The following PDE12 variants were observed in gnomAD, a reference collection of about 807,000 sequenced individuals.
The protein encoded by PDE12 is 2',5'-phosphodiesterase 12.
PDE12 carries 26 observed loss-of-function variants against 45.4 expected under a neutral mutation model. The ratio of observed to expected loss-of-function variants is 0.57; its 90% CI spans 0.42 to 0.79. The LOEUF is 0.79. Ranked by LOEUF, PDE12 falls within the 30% of genes least tolerant of loss-of-function variation. PDE12 has a pLI of 0.00. For missense variants in PDE12, 668 were observed against 790.0 expected (o/e 0.85, Z 1.85); for synonymous variants, 283 against 323.9 (o/e 0.87, Z 1.36).
chr3:57,632,529 T>C, the PDE12 span, among the ~76,000 whole-genome samples: 3 of 152,152 alleles, frequency 2.0e-5, no homozygotes, highest in African/African-American at 7.2e-5. Context: ...AACAAATAGA[T>C]TTAATGGAAT....
chr3:57,644,807 A>T, the PDE12 span, among the ~76,000 whole-genome samples: 1 of 6,424 alleles, frequency 1.6e-4, no homozygotes, highest in Non-Finnish European at 2.4e-4. Context: ...AGGGGTGGGG[A>T]GGGGAGGGGA....
At chr3:57,647,864 G>A in the PDE12 span, among the ~76,000 whole-genome samples, 1 of 151,152 alleles carries the variant, frequency 6.6e-6, no homozygotes, top group Non-Finnish European at 1.5e-5. Context: ...GGTGGGGGTG[G>A]GGGGTCAATC....
the PDE12 span, among the ~76,000 whole-genome samples, chr3:57,595,377 A>G: frequency 6.6e-6 from 1 of 152,208 alleles, no homozygotes. Context: ...AAGTCCTCCC[A>G]TTAACTTCCG....
the PDE12 span, among the ~76,000 whole-genome samples, chr3:57,588,786 G>A: frequency 7.0e-6 from 1 of 142,440 alleles, no homozygotes; most frequent in Non-Finnish European, 1.5e-5. Context: ...GCAAAACCCT[G>A]TCACTACAAA....
the PDE12 span, chr3:57,597,428 C>A: frequency 1.2e-4 from 33 of 284,896 alleles, 1 homozygote; most frequent in Non-Finnish European, 2.1e-4. Flanking sequence ...AGCGGCCCGG[C>A]CCCTCCAACG....
chr3:57,594,970 GTTT>G, the PDE12 span, among the ~76,000 whole-genome samples: 6 of 152,164 alleles, frequency 3.9e-5, no homozygotes, highest in Non-Finnish European at 8.8e-5. Context: ...TGACTGAAGT[GTTT>G]TTTAGTCAAG....
chr3:57,582,834 G>A, the PDE12 span, among the ~76,000 whole-genome samples: 1 of 152,178 alleles, frequency 6.6e-6, no homozygotes, highest in Non-Finnish European at 1.5e-5. Context: ...GTTAAACAAA[G>A]GTAGAGTGAG....
chr3:57,622,046 G>A, the PDE12 span, among the ~76,000 whole-genome samples: 1 of 152,056 alleles, frequency 6.6e-6, no homozygotes, highest in Non-Finnish European at 1.5e-5. Context: ...CATGCTGGCG[G>A]GTGTCTGTAA....
the PDE12 span, among the ~76,000 whole-genome samples, chr3:57,633,776 G>A: frequency 6.6e-6 from 1 of 152,014 alleles, no homozygotes; most frequent in South Asian, 2.1e-4. Flanking sequence ...TGTAATCCCA[G>A]CTACTTGGAA....
the PDE12 span, among the ~76,000 whole-genome samples, chr3:57,637,857 C>CG: frequency 7.3e-5 from 11 of 151,314 alleles, no homozygotes; most frequent in East Asian, 2.1e-3. Context: ...GTGCACAGGC[C>CG]GGGCACAGTG....
the PDE12 span, chr3:57,633,319 A>G: frequency 6.2e-7 from 1 of 1,613,912 alleles, no homozygotes; most frequent in South Asian, 1.1e-5. Context: ...GAAGAATAAC[A>G]CTTTGAGCCT....
chr3:57,616,159 C>CA, the PDE12 span, among the ~76,000 whole-genome samples: 2 of 151,928 alleles, frequency 1.3e-5, no homozygotes, highest in African/African-American at 4.8e-5. Flanking sequence ...CTCATCTCTA[C>CA]AAAAAATGCA....
At chr3:57,628,836 A>G in the PDE12 span, 2 of 1,612,372 alleles carry the variant, frequency 1.2e-6, no homozygotes, top group Non-Finnish European at 1.7e-6. Flanking sequence ...CTTCAAGACA[A>G]GGTCTACTGT....
At chr3:57,580,790 A>AT in the PDE12 span, among the ~76,000 whole-genome samples, 3 of 126,188 alleles carry the variant, frequency 2.4e-5, no homozygotes, top group Non-Finnish European at 5.2e-5. Context: ...TTTTTTTTTT[A>AT]AATGTAAAGA....
the PDE12 span, chr3:57,600,701 C>A: frequency 6.6e-6 from 1 of 152,098 alleles, no homozygotes; most frequent in Non-Finnish European, 1.5e-5. Context: ...AGCCACCGTG[C>A]CCAGACCCCA....
At chr3:57,587,906 T>C in the PDE12 span, among the ~76,000 whole-genome samples, 3 of 152,168 alleles carry the variant, frequency 2.0e-5, no homozygotes, top group African/African-American at 7.2e-5. Flanking sequence ...TAAATGCAAA[T>C]TAAGAGTTTT....
chr3:57,643,694 G>A, the PDE12 span, among the ~76,000 whole-genome samples: 1 of 151,872 alleles, frequency 6.6e-6, no homozygotes, highest in African/African-American at 2.4e-5. Context: ...GGGTGTGGTG[G>A]TGCATGCCTG....
chr3:57,584,620 G>A, the PDE12 span, among the ~76,000 whole-genome samples: 4 of 152,026 alleles, frequency 2.6e-5, no homozygotes, highest in East Asian at 7.7e-4. Context: ...ATTCCCAAAG[G>A]CAACACTTCC....
the PDE12 span, among the ~76,000 whole-genome samples, chr3:57,608,009 G>T: frequency 6.6e-6 from 1 of 152,158 alleles, no homozygotes; most frequent in Non-Finnish European, 1.5e-5. Flanking sequence ...TACTCACAAA[G>T]GGAAGCCCAT....
Sources: gnomAD v4.1 joint callset for allele counts (sites outside exome capture counted in the v4.1 genomes callset) on GRCh38, gnomAD v4.1.1 for gene constraint, MANE v1.5 for transcripts, NCBI Gene and HGNC (gene_info 2026-07-23, HGNC 2026-07-21) for gene names.